TENM2: variants seen among roughly 807,000 people sequenced by gnomAD.
TENM2 encodes teneurin-2.
A neutral mutation model predicts 245.2 loss-of-function variants in TENM2; 52 were observed. The observed-to-expected ratio is 0.21, with a 90% CI of 0.17 to 0.27. TENM2 has a LOEUF of 0.27. Among genes scored for constraint, TENM2 ranks in the 10% least tolerant of loss-of-function variants. The pLI, the probability that TENM2 is intolerant of heterozygous loss-of-function variation, is 1.00. For synonymous variants in TENM2, 1,363 were observed against 1,438.9 expected, an observed-to-expected ratio of 0.95 and a Z score of 1.19; for missense variants, 3,046 against 3,666.8, an observed-to-expected ratio of 0.83 and a Z score of 4.37.
At chr5:168,005,259 G>T (rs1386349488) in intron 5 of TENM2, among the ~76,000 whole-genome samples, 1 of 151,986 alleles carries the variant, frequency 6.6e-6, no homozygotes, top group Non-Finnish European at 1.5e-5. Flanking sequence ...CTTGAAGGAA[G>T]AAAAAGAGCT....
upstream of TENM2, among the ~76,000 whole-genome samples, chr5:167,280,400 G>A (rs983356829): frequency 5.4e-4 from 83 of 152,306 alleles, no homozygotes; most frequent in African/African-American, 1.5e-3. Flanking sequence ...GGGGGTGGAC[G>A]ACAGCACCCT....
chr5:168,040,843 C>G (rs1788123486), intron 5 of TENM2, among the ~76,000 whole-genome samples: 1 of 152,184 alleles, frequency 6.6e-6, no homozygotes, highest in Admixed American at 6.5e-5. Context: ...GGAAAAAACA[C>G]CAAACATGTT....
intron 2 of TENM2, among the ~76,000 whole-genome samples, chr5:167,803,282 G>C (rs1765916049): frequency 6.6e-6 from 1 of 152,274 alleles, no homozygotes; most frequent in South Asian, 2.1e-4. Context: ...CTCCAAGGGA[G>C]ACTGACATTC....
At chr5:167,923,901 T>A (rs1777557206) in intron 3 of TENM2, among the ~76,000 whole-genome samples, 1 of 151,984 alleles carries the variant, frequency 6.6e-6, no homozygotes, top group African/African-American at 2.4e-5. Flanking sequence ...TGCGTTGAAA[T>A]AAAGAGATAA....
At chr5:168,134,876 G>T (rs1054016378) in intron 12 of TENM2, among the ~76,000 whole-genome samples, 2 of 152,104 alleles carry the variant, frequency 1.3e-5, no homozygotes, top group African/African-American at 4.8e-5. Flanking sequence ...TCTCTTACCC[G>T]GAATGGAACC....
At position 167,326,058 on chromosome 5, in the gene TENM2, C is replaced by T. The variant is rs574720991; in HGVS notation, c.226+40995C>T. 2.0e-5 allele frequency among the ~76,000 whole-genome samples: 3 copies of T among 152,132 alleles called. No individual in the cohort carries two copies. In the East Asian group the frequency reaches 5.8e-4, roughly 29 times the overall value. On this transcript the variant is annotated intron_variant, in intron 1 of 28. Coordinates refer to ENST00000518659, the Ensembl canonical transcript of TENM2. ...CATGAAGTGGGGGAAGAAGCTTGAA[C>T]GGTGGCCAGGAGGGTGAGGGGCATT... is the stretch of plus-strand genomic sequence containing the variant.
chr5:167,735,848 A>G (rs546322192), intron 2 of TENM2, among the ~76,000 whole-genome samples: 3 of 152,268 alleles, frequency 2.0e-5, no homozygotes, highest in Admixed American at 6.5e-5. Flanking sequence ...AGAAAGTTCT[A>G]TGACCGGTTC....
At chr5:167,399,198 A>G (rs1003870702) in intron 2 of TENM2, among the ~76,000 whole-genome samples, 2 of 152,176 alleles carry the variant, frequency 1.3e-5, no homozygotes, top group African/African-American at 4.8e-5. Flanking sequence ...AAGGGAGTTA[A>G]ATATTAATTA....
intron 2 of TENM2, among the ~76,000 whole-genome samples, chr5:167,647,631 AG>A (rs1780054635): frequency 6.6e-6 from 1 of 152,104 alleles, no homozygotes; most frequent in South Asian, 2.1e-4. Context: ...TCAAAAAAAA[AG>A]AAAAGGAGGA....
chr5:168,200,786 T>C (rs1761871161), intron 17 of TENM2, among the ~76,000 whole-genome samples: 1 of 152,228 alleles, frequency 6.6e-6, no homozygotes, highest in Non-Finnish European at 1.5e-5. Context: ...CCTACCGTTA[T>C]CAGAGTTGTG....
intron 25 of TENM2, among the ~76,000 whole-genome samples, chr5:168,229,032 AC>A (rs1490075051): frequency 6.8e-6 from 1 of 148,118 alleles, no homozygotes; most frequent in African/African-American, 2.5e-5. Flanking sequence ...AATATACATT[AC>A]ATTATATATA....
chr5:167,042,557 A>G, the TENM2 span, among the ~76,000 whole-genome samples: 1 of 152,236 alleles, frequency 6.6e-6, no homozygotes, highest in Admixed American at 6.5e-5. Context: ...ACGAATTATA[A>G]TATGATTGTG....
At chr5:168,219,731 G>A (rs986180100) in intron 23 of TENM2, among the ~76,000 whole-genome samples, 1 of 140,946 alleles carries the variant, frequency 7.1e-6, no homozygotes, top group Non-Finnish European at 1.5e-5. Context: ...GAAGGAGTGT[G>A]TTAACCCCTG....
intron 2 of TENM2, among the ~76,000 whole-genome samples, chr5:167,581,254 T>A (rs1381288735): frequency 1.3e-5 from 2 of 152,186 alleles, no homozygotes; most frequent in Non-Finnish European, 1.5e-5. Context: ...CAATAAAACA[T>A]ATGCTATATA....
chr5:168,028,278 C>T (rs996454891), intron 5 of TENM2, among the ~76,000 whole-genome samples: 6 of 152,116 alleles, frequency 3.9e-5, no homozygotes, highest in African/African-American at 9.7e-5. Context: ...AGGTTCCACC[C>T]GGGAATCACT....
chr5:167,711,739 C>T (rs1045109483), intron 2 of TENM2, among the ~76,000 whole-genome samples: 1 of 152,142 alleles, frequency 6.6e-6, no homozygotes, highest in Non-Finnish European at 1.5e-5. Flanking sequence ...TCTCCTTAGA[C>T]CCAACCAGCC....
chr5:167,654,427 C>G (rs1037544543), intron 2 of TENM2, among the ~76,000 whole-genome samples: 1 of 152,000 alleles, frequency 6.6e-6, no homozygotes, highest in East Asian at 1.9e-4. Flanking sequence ...TCATTTGCTC[C>G]CTGGGCACCT....
At chr5:167,649,754 C>A (rs1041528093) in intron 2 of TENM2, among the ~76,000 whole-genome samples, 1 of 152,130 alleles carries the variant, frequency 6.6e-6, no homozygotes. Context: ...TATTAGGTAT[C>A]TAAGCAAATG....
At chr5:168,132,027 C>T (rs1490338001) in intron 12 of TENM2, among the ~76,000 whole-genome samples, 1 of 151,876 alleles carries the variant, frequency 6.6e-6, no homozygotes, top group East Asian at 1.9e-4. Context: ...GATTCTCCCC[C>T]ACCACCCCCC....
Sources: allele counts gnomAD v4.1 joint callset (sites outside exome capture counted in the v4.1 genomes callset), GRCh38; gene constraint gnomAD v4.1.1; transcripts MANE v1.5; gene names NCBI Gene and HGNC (gene_info 2026-07-23, HGNC 2026-07-21).